CPZ: variants seen among roughly 807,000 people sequenced by gnomAD.
CPZ encodes the protein VEZT/CPZ fusion.
In CPZ, 103 loss-of-function variants were observed where a neutral mutation model predicts 61.8. That is an observed-to-expected ratio of 1.67 (90% CI 1.42 to 1.96). CPZ has a LOEUF of 1.96. CPZ is among the 30% of genes most tolerant of loss of function. The pLI, the probability that CPZ is intolerant of heterozygous loss-of-function variation, is 0.00. For synonymous variants in CPZ, 551 were observed against 373.7 expected, an observed-to-expected ratio of 1.47 and a Z score of -5.47; for missense variants, 1,461 against 914.9, an observed-to-expected ratio of 1.60 and a Z score of -7.70.
At chr4:8,613,259 G>C (rs780067459) in intron 8 of CPZ, among the ~76,000 whole-genome samples, 2 of 152,034 alleles carry the variant, frequency 1.3e-5, no homozygotes, top group Non-Finnish European at 2.9e-5. Context: ...AGCCTCCCGA[G>C]TAGCTGGGAT....
intron 5 of CPZ, among the ~76,000 whole-genome samples, 198 bp from the exon 6 acceptor site, chr4:8,606,539 C>T (rs992222840): frequency 1.3e-5 from 2 of 152,056 alleles, no homozygotes; most frequent in Non-Finnish European, 2.9e-5. Flanking sequence ...CCAGGGAAGG[C>T]CCCAAGGCTG....
intron 7 of CPZ, among the ~76,000 whole-genome samples, chr4:8,609,069 T>C (rs1349892861): frequency 6.9e-6 from 1 of 143,952 alleles, no homozygotes; most frequent in Non-Finnish European, 1.5e-5. Flanking sequence ...ACTCCCTCAC[T>C]CACCACTCAT....
intron 9 of CPZ, among the ~76,000 whole-genome samples, chr4:8,615,276 G>A (rs1489747091): frequency 6.6e-6 from 1 of 152,042 alleles, no homozygotes; most frequent in Non-Finnish European, 1.5e-5. Flanking sequence ...GGTCTCCCTA[G>A]CACTCAGTGT....
At chr4:8,605,614 C>CATTGATATATCCATT (rs1714917001) in intron 4 of CPZ, among the ~76,000 whole-genome samples, 3 of 150,660 alleles carry the variant, frequency 2.0e-5, no homozygotes, top group African/African-American at 7.5e-5. Context: ...ATCCATCCAT[C>CATTGATATATCCATT]CATCCATCCA....
intron 4 of CPZ, among the ~76,000 whole-genome samples, chr4:8,605,598 TCATC>T (rs200204306): frequency 0.14 from 19,774 of 140,222 alleles, 1,978 homozygotes; most frequent in African/African-American, 0.32. Context: ...CAGCCATTAT[TCATC>T]CATCCATCCA....
rs147588134 is a variant in CPZ, at chr4:8,612,035, G to A, written c.1236G>A (p.Lys412=). ...CCAGGTTTCTTTTCCAGATGTTCAAGCTGCTGTCCAGAGCCTACGCTGACG... is the reference window on the plus strand; with the variant it reads ...CCAGGTTTCTTTTCCAGATGTTCAAACTGCTGTCCAGAGCCTACGCTGACG... ...FSPTPDEKMF[K]LLSRAYADVH... Residue 412 remains lysine (K), a synonymous_variant, in exon 8 of 11, where the codon AAG becomes AAA. Coordinates refer to ENST00000360986, the MANE Select transcript of CPZ (RefSeq NM_001014447.3). 1.2e-6 allele frequency: 2 copies of A among 1,613,982 alleles called. No homozygotes were observed. The highest frequency in any genetic ancestry group is 8.5e-7 in the Non-Finnish European group (1 of 1,180,020).
chr4:8,608,122 G>A (rs1715198216), intron 7 of CPZ, among the ~76,000 whole-genome samples: 1 of 136,798 alleles, frequency 7.3e-6, no homozygotes, highest in Non-Finnish European at 1.6e-5. Context: ...GTGATCTGAG[G>A]TGGGCCCCAG....
At chr4:8,594,582 C>T (rs546301953) in intron 1 of CPZ, among the ~76,000 whole-genome samples, 6 of 152,260 alleles carry the variant, frequency 3.9e-5, no homozygotes, top group South Asian at 2.1e-4. Context: ...GGAGGACTGA[C>T]GGGCTGTCAC....
chr4:8,592,785 C>T lies in CPZ; in HGVS notation c.-49C>T. 7.7e-7 allele frequency: 1 copy of T among 1,300,488 alleles called. No homozygotes were observed. Among genetic ancestry groups the T allele is most frequent in the Non-Finnish European group, 9.9e-7 (1 of 1,007,632 alleles). The allele number at this position is 1,300,488 out of a possible 1,614,324, so 80.6% of individuals were successfully genotyped here. On this transcript the variant is annotated 5_prime_UTR_variant, in exon 1 of 11. Coordinates refer to ENST00000360986, the MANE Select transcript of CPZ (RefSeq NM_001014447.3). ...AGCGCAGAGCCCCGGCCCCGCGCGG[C>T]CCGAGTGCCACATCACTGCGCTGGC... is the stretch of plus-strand genomic sequence containing the variant.
intron 2 of CPZ, among the ~76,000 whole-genome samples, chr4:8,600,780 G>A (rs747330907): frequency 6.6e-6 from 1 of 152,270 alleles, no homozygotes; most frequent in Non-Finnish European, 1.5e-5. Context: ...TGGCTCCTGG[G>A]TGGTCTGTGC....
At chr4:8,611,898 C>A in intron 7 of CPZ, 129 bp from the exon 8 acceptor site, 8 of 1,318,592 alleles carry the variant, frequency 6.1e-6, no homozygotes, top group South Asian at 5.4e-5. Flanking sequence ...CTCCTACCTG[C>A]AGACACCATT....
In CPZ at chr4:8,619,573, A is replaced by C. The variant is rs1296276135; in HGVS notation, c.1915A>C (p.Thr639Pro). ...GSKPWWWSYF[T>P]SLSTHRPRWL... is the part of the protein sequence containing the mutation. Reference sequence around the variant, plus strand: ...TAAGCCCTGGTGGTGGTCCTACTTCACATCGCTGAGCACCCACAGGCCACG... The same window carrying C: ...TAAGCCCTGGTGGTGGTCCTACTTCCCATCGCTGAGCACCCACAGGCCACG... The change falls in exon 11 of 11, where the codon ACA becomes CCA. Residue 639 changes from threonine (T) to proline (P), a missense_variant. Transcript: ENST00000360986. 2 of 1,532,544 alleles carry C rather than the reference A, an allele frequency of 1.3e-6. No homozygotes were observed. Among genetic ancestry groups the C allele is most frequent in the Non-Finnish European group, 8.8e-7 (1 of 1,139,544 alleles). 94.9% of individuals were successfully genotyped at this position (1,532,544 alleles called of 1,614,324 possible).
chr4:8,617,741 C>A (rs554446826), intron 9 of CPZ, among the ~76,000 whole-genome samples: 1 of 152,312 alleles, frequency 6.6e-6, no homozygotes, highest in South Asian at 2.1e-4. Context: ...GCGTGACCTT[C>A]AGCATCCTTG....
At chr4:8,614,157 G>A (rs1715953739) in intron 8 of CPZ, among the ~76,000 whole-genome samples, 1 of 152,240 alleles carries the variant, frequency 6.6e-6, no homozygotes, top group Admixed American at 6.5e-5. Context: ...CAGCCCCTCA[G>A]CTGCAGGAGG....
At chr4:8,618,555 G>A in intron 10 of CPZ, 27 bp downstream of exon 10, 1 of 1,604,210 alleles carries the variant, frequency 6.2e-7, no homozygotes, top group Non-Finnish European at 8.5e-7. Context: ...CTGTCCCCTG[G>A]GGACCACGTC....
At chr4:8,615,454 T>C (rs1023180524) in intron 9 of CPZ, among the ~76,000 whole-genome samples, 1 of 152,176 alleles carries the variant, frequency 6.6e-6, no homozygotes, top group African/African-American at 2.4e-5. Context: ...ATAAATTGCA[T>C]ATGAGCACAG....
intron 1 of CPZ, among the ~76,000 whole-genome samples, chr4:8,597,240 C>T (rs780775638): frequency 6.6e-6 from 1 of 152,164 alleles, no homozygotes; most frequent in Non-Finnish European, 1.5e-5. Flanking sequence ...GGTGCTCACA[C>T]AGGGCCCTGT....
At chr4:8,596,637 G>A (rs1714204113) in intron 1 of CPZ, among the ~76,000 whole-genome samples, 1 of 152,240 alleles carries the variant, frequency 6.6e-6, no homozygotes, top group African/African-American at 2.4e-5. Context: ...TCCTCCAACA[G>A]CCCTATGAGG....
intron 9 of CPZ, among the ~76,000 whole-genome samples, chr4:8,617,151 C>T (rs560725310): frequency 1.7e-4 from 26 of 152,336 alleles, no homozygotes; most frequent in Admixed American, 1.3e-3. Flanking sequence ...TCAGGCCAGT[C>T]GGTTTCTGCA....
Sources: allele counts gnomAD v4.1 joint callset (sites outside exome capture counted in the v4.1 genomes callset), GRCh38; gene constraint gnomAD v4.1.1; transcripts MANE v1.5; gene names NCBI Gene and HGNC (gene_info 2026-07-23, HGNC 2026-07-21).